PDLIM2: variants seen among roughly 807,000 people sequenced by gnomAD.
PDLIM2 encodes the protein PDZ and LIM domain 2, also known as PDZ and LIM domain protein 2.
PDLIM2 carries 51 observed loss-of-function variants against 54.1 expected under a neutral mutation model. The ratio of observed to expected loss-of-function variants is 0.94; its 90% CI spans 0.75 to 1.19. The LOEUF is 1.19. Among genes scored for constraint, PDLIM2 ranks in the 50% most tolerant of loss-of-function variants. The probability of loss-of-function intolerance (pLI) is 0.00; values close to 1 mark genes in which losing one functional copy is unlikely to be tolerated. For synonymous variants in PDLIM2, 398 were observed against 385.6 expected (o/e 1.03, Z -0.38); for missense variants, 912 against 874.0 (o/e 1.04, Z -0.55).
At position 22,589,105 on chromosome 8, in the gene PDLIM2, AG is replaced by A. The variant is rs201238050; in HGVS notation, c.1291-188del. On this transcript the variant is annotated intron_variant, in intron 6 of 9. Coordinates refer to ENST00000308354, the Ensembl canonical transcript of PDLIM2. ...GCGCCCTGGCTCCGAGGGAAGGGGC[AG>A]GGGGCCCGCTGGTCGGCGAGGGCTG... The A allele has an allele frequency of 6.5e-3, 3,277 of 502,794 alleles. 18 individuals carry two copies. Among genetic ancestry groups the A allele is most frequent in the Non-Finnish European group, 8.9e-3 (2,407 of 271,726 alleles). The allele number at this position is 502,794 out of a possible 1,614,324, so 31.1% of individuals were successfully genotyped here.
rs749211808 is a variant in PDLIM2 at position 22,589,774 on chromosome 8, G to A, written c.1513+33G>A. 4.5e-6 allele frequency: 7 copies of A among 1,553,384 alleles called. No individual in the cohort carries two copies. In the Admixed American group the frequency reaches 5.8e-5, roughly 13 times the overall value. On this transcript the variant is annotated intron_variant, in intron 8 of 9. Coordinates refer to ENST00000308354, the Ensembl canonical transcript of PDLIM2. ...TCTGGGGGGCTGGGGAGGGGAAGGA[G>A]GTTCCCTTCCGTACCCCGGGCCCTG...
chr8:22,596,861 A>T (rs1272483721), downstream of PDLIM2: 2 of 152,238 alleles, frequency 1.3e-5, no homozygotes, highest in African/African-American at 4.8e-5. Flanking sequence ...AGACGAGGAA[A>T]CCGAGGACCA....
At chr8:22,584,497 C>T (rs1800314887) in intron 3 of PDLIM2, among the ~76,000 whole-genome samples, 2 of 151,940 alleles carry the variant, frequency 1.3e-5, no homozygotes, top group African/African-American at 4.8e-5. Context: ...TTTTAGTAGT[C>T]ATGAGGTCTT....
At chr8:22,580,918 A>AG (rs1218996071) in intron 2 of PDLIM2, 1 of 700,508 alleles carries the variant, frequency 1.4e-6, no homozygotes, top group East Asian at 2.8e-5. Context: ...GGACCAGGAC[A>AG]GGGCCGGCTC....
chr8:22,594,386 A>T, downstream of PDLIM2: 11 of 1,534,230 alleles, frequency 7.2e-6, no homozygotes, highest in Non-Finnish European at 7.0e-6. Context: ...TTTATGCAAC[A>T]TACGTTTCTT....
At chr8:22,593,765 A>T in exon 10 of PDLIM2, 1 of 1,601,774 alleles carries the variant, frequency 6.2e-7, no homozygotes, top group Non-Finnish European at 8.5e-7. Context: ...GAGGGCCGGT[A>T]CCGCCACCCC....
exon 1 of PDLIM2, chr8:22,579,232 C>A: frequency 1.5e-6 from 2 of 1,363,316 alleles, no homozygotes; most frequent in South Asian, 1.8e-5. Flanking sequence ...CAGGTGAGCG[C>A]GCCCACCTGC....
At chr8:22,586,452 G>A (rs913973677) in intron 6 of PDLIM2, among the ~76,000 whole-genome samples, 12 of 152,224 alleles carry the variant, frequency 7.9e-5, no homozygotes, top group African/African-American at 2.9e-4. Flanking sequence ...CGTTCTGGGA[G>A]GGGAGGGGAA....
chr8:22,583,884 A>C (rs1046662125), intron 3 of PDLIM2, among the ~76,000 whole-genome samples: 1 of 138,744 alleles, frequency 7.2e-6, no homozygotes, highest in African/African-American at 2.7e-5. Flanking sequence ...AAAAAAAAAA[A>C]GGGCAGGATA....
chr8:22,579,610 C>T, intron 1 of PDLIM2: 1 of 1,346,918 alleles, frequency 7.4e-7, no homozygotes, highest in East Asian at 3.1e-5. Flanking sequence ...AGGCCTGGGC[C>T]CAAGGGGAAG....
At chr8:22,584,457 C>T (rs191124759) in intron 3 of PDLIM2, among the ~76,000 whole-genome samples, 1 of 152,232 alleles carries the variant, frequency 6.6e-6, no homozygotes, top group African/African-American at 2.4e-5. Context: ...TACCGGCATG[C>T]ACCACCATGT....
chr8:22,578,912 G>C, exon 1 of PDLIM2: 1 of 1,237,658 alleles, frequency 8.1e-7, no homozygotes, highest in Non-Finnish European at 1.0e-6. Context: ...GCTTGCGGGC[G>C]CTCCGGGGAG....
Position 22,579,306 on chromosome 8 carries a change from AC to A in PDLIM2, c.530del (p.Pro177LeufsTer77). 7.0e-7 allele frequency: 1 copy of A among 1,418,472 alleles called. No homozygotes were observed. Among genetic ancestry groups the A allele is most frequent in the Non-Finnish European group, 9.1e-7 (1 of 1,095,510 alleles). The allele number at this position is 1,418,472 out of a possible 1,614,324, so 87.9% of individuals were successfully genotyped here. ...CTCTCCGCGCCCCTGTCGGCGCGGA[AC>A]CCTGGCCTCGTCCGCGGCCCAGCTC... On this transcript the variant is annotated frameshift_variant, in exon 1 of 10. Transcript: ENST00000308354. LOFTEE classifies it high-confidence loss of function.
At chr8:22,593,937 C>T in exon 10 of PDLIM2, 5 of 1,544,124 alleles carry the variant, frequency 3.2e-6, no homozygotes, top group Non-Finnish European at 4.4e-6. Flanking sequence ...GCCTGCCTCA[C>T]TGCTGGGCCA....
chr8:22,578,796 C>T (rs1317704983), exon 1 of PDLIM2: 33 of 1,234,164 alleles, frequency 2.7e-5, no homozygotes, highest in Non-Finnish European at 3.1e-5. Context: ...GGCGGGAGAG[C>T]GCGGCCGGCG....
chr8:22,580,672 T>A, exon 2 of PDLIM2: 11 of 1,614,022 alleles, frequency 6.8e-6, no homozygotes, highest in Non-Finnish European at 9.3e-6. Flanking sequence ...GGCAGGGATT[T>A]CCACACGCCC....
chr8:22,589,167 A>C, intron 6 of PDLIM2, 131 bp from the exon 6 acceptor site: 1 of 842,234 alleles, frequency 1.2e-6, no homozygotes, highest in Non-Finnish European at 1.9e-6. Flanking sequence ...GGGAAGGGGC[A>C]GGGGTCCGCT....
chr8:22,581,181 G>C (rs1174928000), intron 2 of PDLIM2, 198 bp from the exon 2 acceptor site: 1 of 672,186 alleles, frequency 1.5e-6, no homozygotes, highest in African/African-American at 1.8e-5. Flanking sequence ...TAGAATGCCA[G>C]TGTGGGGTGG....
At position 22,580,559 on chromosome 8, in the gene PDLIM2, C is replaced by T. The variant is rs140139947; in HGVS notation, c.749-44C>T. On this transcript the variant is annotated intron_variant, in intron 1 of 9. Coordinates refer to ENST00000308354, the Ensembl canonical transcript of PDLIM2. ...TGCTGCCTTACAGTGCCCCCAGAGC[C>T]GGCTAGGGGCATGGACTTCACCTCC... The T allele has an allele frequency of 1.8e-3, 2,936 of 1,613,078 alleles. 15 individuals carry two copies. Among genetic ancestry groups the T allele is most frequent in the African/African-American group, 0.014 (1,055 of 75,008 alleles).
Sources: allele counts gnomAD v4.1 joint callset (sites outside exome capture counted in the v4.1 genomes callset), GRCh38; gene constraint gnomAD v4.1.1; transcripts MANE v1.5; gene names NCBI Gene and HGNC (gene_info 2026-07-23, HGNC 2026-07-21).